Variants in ZNF395 observed in about 807,000 individuals in gnomAD.
ZNF395 encodes the protein HD gene regulatory region-binding protein 2.
Under a neutral mutation model 57.7 loss-of-function variants are expected in ZNF395, and 20 were observed. The observed-to-expected ratio is 0.35, with a 90% CI of 0.24 to 0.50. ZNF395 has a LOEUF of 0.50. Among genes scored for constraint, ZNF395 ranks in the 20% least tolerant of loss-of-function variants. The pLI is 0.97. For missense variants in ZNF395, 606 were observed against 671.2 expected, an observed-to-expected ratio of 0.90 and a Z score of 1.07; for synonymous variants, 295 against 275.9, an observed-to-expected ratio of 1.07 and a Z score of -0.69.
intron 1 of ZNF395, among the ~76,000 whole-genome samples, chr8:28,380,152 A>G (rs984655236): frequency 6.6e-6 from 1 of 152,132 alleles, no homozygotes; most frequent in Non-Finnish European, 1.5e-5. Context: ...TTTTTACTAG[A>G]GTTTAAAAAA....
Position 28,348,676 on chromosome 8 carries a change from G to C in ZNF395, c.*43C>G. Reference sequence around the variant, plus strand: ...GTGACACACTGGCCTCTTGTCAGTGGCTGCCGGCAGGGCCAGGAACAGAGT... The same window carrying C: ...GTGACACACTGGCCTCTTGTCAGTGCCTGCCGGCAGGGCCAGGAACAGAGT... On this transcript the variant is annotated 3_prime_UTR_variant, in exon 10 of 10. Coordinates refer to ENST00000344423, the MANE Select transcript of ZNF395 (RefSeq NM_018660.3). 6.4e-7 allele frequency: 1 copy of C among 1,571,168 alleles called. No individual in the cohort carries two copies. The highest frequency in any genetic ancestry group is 8.8e-7 in the Non-Finnish European group (1 of 1,142,086).
intron 2 of ZNF395, among the ~76,000 whole-genome samples, chr8:28,360,400 T>A (rs1168520390): frequency 6.6e-6 from 1 of 152,112 alleles, no homozygotes; most frequent in Non-Finnish European, 1.5e-5. Flanking sequence ...CTGGACCTCA[T>A]AACATCAGAC....
intron 1 of ZNF395, among the ~76,000 whole-genome samples, chr8:28,385,754 A>AG (rs1440743054): frequency 6.8e-6 from 1 of 148,022 alleles, no homozygotes; most frequent in African/African-American, 2.5e-5. Flanking sequence ...CGAAGTCGGG[A>AG]GGGGGCTCCG....
rs1801822925 is a variant in ZNF395 at position 28,359,572 on chromosome 8, GT to G, written c.473+19del. The stretch of plus-strand genomic sequence containing the variant: ...CTACCCACGTGACTTTTAAAACCCA[GT>G]TTCTTCTCCCACACAAACCTCTTTG... On this transcript the variant is annotated intron_variant, in intron 3 of 9. Coordinates refer to ENST00000344423, the MANE Select transcript of ZNF395 (RefSeq NM_018660.3). This position sits in a 1 kb window ranked among gnomAD's most constrained non-coding sequence, Gnocchi z 4.7. 1 of 1,563,640 alleles carries G rather than the reference GT, an allele frequency of 6.4e-7. No homozygotes were observed. Among genetic ancestry groups the G allele is most frequent in the Non-Finnish European group, 8.7e-7 (1 of 1,152,102 alleles).
At position 28,350,114 on chromosome 8, in the gene ZNF395, T is replaced by C; in HGVS notation, c.1276A>G (p.Thr426Ala). 1 of 1,608,758 alleles carries C rather than the reference T, an allele frequency of 6.2e-7. No homozygotes were observed. The change falls in exon 8 of 10, where the codon ACC (threonine) becomes GCC (alanine). Residue 426 changes from threonine (T) to alanine (A), a missense_variant. By Grantham distance (58) the Thr-to-Ala change is moderately conservative. Transcript: ENST00000344423. ...FQIPVSPHIY[T>A]SVSWAAAPSA... is the part of the protein sequence containing the mutation. ...GGGGCAGCAGCCCAGCTGACACTGG[T>C]GTAGATGTGTGGTGAGACTGGGATC...
At chr8:28,353,779 C>T (rs1455724766) in intron 4 of ZNF395, among the ~76,000 whole-genome samples, 2 of 151,866 alleles carry the variant, frequency 1.3e-5, no homozygotes, top group East Asian at 1.9e-4. Context: ...TCACTTTATA[C>T]ATTAAATAAA....
chr8:28,385,700 G>C (rs1168860646), intron 1 of ZNF395, among the ~76,000 whole-genome samples: 1 of 148,724 alleles, frequency 6.7e-6, no homozygotes. Flanking sequence ...GGGAGGGGCA[G>C]GCGGGCCGGT....
intron 1 of ZNF395, among the ~76,000 whole-genome samples, chr8:28,372,289 A>C (rs1013496606): frequency 6.6e-6 from 1 of 152,212 alleles, no homozygotes; most frequent in South Asian, 2.1e-4. Context: ...GAGAGAGGAA[A>C]CAGTGAGAAA....
At chr8:28,366,239 T>C (rs1443391139) in intron 1 of ZNF395, among the ~76,000 whole-genome samples, 5 of 152,244 alleles carry the variant, frequency 3.3e-5, no homozygotes, top group African/African-American at 1.2e-4. Flanking sequence ...AGTTCTCTGC[T>C]AAACTCAGCT....
At chr8:28,371,684 C>T (rs540009686) in intron 1 of ZNF395, among the ~76,000 whole-genome samples, 17 of 152,232 alleles carry the variant, frequency 1.1e-4, no homozygotes, top group Middle Eastern at 3.4e-3. Context: ...AGGAGCAGGG[C>T]GACAATTCTT....
At chr8:28,375,953 G>A (rs1802035869) in intron 1 of ZNF395, among the ~76,000 whole-genome samples, 1 of 152,080 alleles carries the variant, frequency 6.6e-6, no homozygotes, top group African/African-American at 2.4e-5. Flanking sequence ...ATACTCAAAG[G>A]ACAAAAAGGC....
intron 1 of ZNF395, chr8:28,375,485 T>A (rs1351804236): frequency 6.6e-6 from 1 of 152,106 alleles, no homozygotes; most frequent in Non-Finnish European, 1.5e-5. Flanking sequence ...GTGGTACTTC[T>A]GGTTGGGGGT....
intron 1 of ZNF395, chr8:28,385,043 G>A (rs1802154983): frequency 6.6e-6 from 1 of 152,290 alleles, no homozygotes; most frequent in Admixed American, 6.5e-5. Context: ...CCTAGGGAGG[G>A]TGTCAAGAAG....
chr8:28,361,818 G>T (rs1585856826), intron 1 of ZNF395, among the ~76,000 whole-genome samples: 2 of 152,146 alleles, frequency 1.3e-5, no homozygotes, highest in Admixed American at 6.5e-5. Context: ...TTGGCCGGGC[G>T]TGGTGGCTCA....
At chr8:28,377,508 C>T (rs1802055470) in intron 1 of ZNF395, among the ~76,000 whole-genome samples, 1 of 152,106 alleles carries the variant, frequency 6.6e-6, no homozygotes, top group African/African-American at 2.4e-5. Context: ...TTGATCTGCC[C>T]TGTATTCTCT....
chr8:28,358,139 TTTC>T (rs1346459382), intron 3 of ZNF395, among the ~76,000 whole-genome samples: 2 of 148,760 alleles, frequency 1.3e-5, no homozygotes, highest in South Asian at 4.2e-4. Flanking sequence ...TGTGGGTTTT[TTTC>T]TTTTTTTTCT....
chr8:28,358,304 T>C (rs932154001), intron 3 of ZNF395, among the ~76,000 whole-genome samples: 2 of 152,030 alleles, frequency 1.3e-5, no homozygotes, highest in African/African-American at 4.8e-5. Context: ...GAGACGGGGT[T>C]TCATCATGTT....
At chr8:28,375,842 TAGAA>T (rs1043305432) in intron 1 of ZNF395, among the ~76,000 whole-genome samples, 3 of 151,758 alleles carry the variant, frequency 2.0e-5, no homozygotes, top group South Asian at 2.1e-4. Context: ...AGAAGAAAAA[TAGAA>T]AGAGGAGAGG....
intron 1 of ZNF395, among the ~76,000 whole-genome samples, chr8:28,385,707 C>A (rs1802169638): frequency 6.7e-6 from 1 of 148,518 alleles, no homozygotes; most frequent in Non-Finnish European, 1.5e-5. Context: ...GCAGGCGGGC[C>A]GGTCCCTGTC....
Sources: allele counts gnomAD v4.1 joint callset (sites outside exome capture counted in the v4.1 genomes callset), GRCh38; gene constraint gnomAD v4.1.1; non-coding constraint Gnocchi (gnomAD v3.1); transcripts MANE v1.5; gene names NCBI Gene and HGNC (gene_info 2026-07-23, HGNC 2026-07-21).